NEURL1: variants seen among roughly 807,000 people sequenced by gnomAD.
NEURL1 encodes the protein neuralized E3 ubiquitin protein ligase 1.
NEURL1 carries 26 observed loss-of-function variants against 41.2 expected under a neutral mutation model. That is an observed-to-expected ratio of 0.63 (90% CI 0.46 to 0.87). NEURL1 has a LOEUF of 0.87. Among genes scored for constraint, NEURL1 ranks in the 40% least tolerant of loss-of-function variants. The pLI, the probability that NEURL1 is intolerant of heterozygous loss-of-function variation, is 0.00. For synonymous variants in NEURL1, 400 were observed against 402.3 expected, an observed-to-expected ratio of 0.99 and a Z score of 0.07; for missense variants, 761 against 871.1, an observed-to-expected ratio of 0.87 and a Z score of 1.59.
chr10:103,543,713 G>C (rs187706905), intron 1 of NEURL1, among the ~76,000 whole-genome samples: 1 of 152,236 alleles, frequency 6.6e-6, no homozygotes, highest in African/African-American at 2.4e-5. Context: ...GGATAGTCTG[G>C]TCTATTCCAT....
chr10:103,571,750 G>C lies in NEURL1; in HGVS notation c.577G>C (p.Gly193Arg). ...NDSAVMLFFS[G>R]VRTADPLWAL... The stretch of plus-strand genomic sequence containing the variant: ...CTCGGCTGTTATGCTGTTCTTCAGC[G>C]GGGTCCGCACGGCCGACCCGCTCTG... The change falls in exon 3 of 6, where the codon GGG becomes CGG. Residue 193 changes from glycine (G) to arginine (R), a missense_variant. Transcript: ENST00000369780. 1 of 1,614,112 alleles carries C rather than the reference G, an allele frequency of 6.2e-7. No individual in the cohort carries two copies. The highest frequency in any genetic ancestry group is 2.2e-5 in the East Asian group (1 of 44,880).
At chr10:103,580,289 A>G (rs1016096525) in intron 3 of NEURL1, among the ~76,000 whole-genome samples, 2 of 152,184 alleles carry the variant, frequency 1.3e-5, no homozygotes, top group African/African-American at 4.8e-5. Flanking sequence ...GCTTCTCCTC[A>G]TGGCCTTGTG....
At chr10:103,589,773 C>G in intron 5 of NEURL1, 113 bp downstream of exon 5, 2 of 1,408,098 alleles carry the variant, frequency 1.4e-6, no homozygotes, top group Non-Finnish European at 9.6e-7. Context: ...CTCAGTAAAC[C>G]CTTGTTGGGG....
chr10:103,549,933 C>G (rs2035000155), intron 1 of NEURL1, among the ~76,000 whole-genome samples: 1 of 152,218 alleles, frequency 6.6e-6, no homozygotes, highest in South Asian at 2.1e-4. Flanking sequence ...ATTGGGCCTT[C>G]TTTGCTACAC....
chr10:103,574,106 GTGGGGGACGAA>G lies in NEURL1; in HGVS notation c.649+2289_649+2299del, dbSNP rs1460869235. 2.0e-4 allele frequency among the ~76,000 whole-genome samples: 31 copies of G among 152,320 alleles called. No individual in the cohort carries two copies. The East Asian group carries it at 5.2e-3, about 26-fold the overall frequency. On this transcript the variant is annotated intron_variant, in intron 3 of 5. Coordinates refer to ENST00000369780, the MANE Select transcript of NEURL1 (RefSeq NM_004210.5). ...GTAGGGGAGAGTAGTCAGGGGCAGGGTGGGGGACGAATGGGAGGGCAGATGCGTTGTTAGAT... is the reference window on the plus strand; with the variant it reads ...GTAGGGGAGAGTAGTCAGGGGCAGGGTGGGAGGGCAGATGCGTTGTTAGAT...
intron 1 of NEURL1, among the ~76,000 whole-genome samples, chr10:103,502,134 A>C (rs2033839848): frequency 6.6e-6 from 1 of 152,214 alleles, no homozygotes; most frequent in African/African-American, 2.4e-5. Context: ...GCCCAGAAAC[A>C]CTGAGCTAGG....
At chr10:103,588,538 G>C (rs1400366557) in intron 4 of NEURL1, among the ~76,000 whole-genome samples, 3 of 152,100 alleles carry the variant, frequency 2.0e-5, no homozygotes, top group African/African-American at 7.2e-5. Flanking sequence ...TTGAAGTCAG[G>C]GGCTGTCTCT....
intron 4 of NEURL1, among the ~76,000 whole-genome samples, chr10:103,585,916 C>T (rs946802429): frequency 6.6e-6 from 1 of 151,714 alleles, no homozygotes; most frequent in Admixed American, 6.6e-5. Flanking sequence ...AAATAAAGGT[C>T]CTCACCTTTA....
chr10:103,578,648 G>C lies in NEURL1; in HGVS notation c.650-5888G>C, dbSNP rs1344235003. Among the ~76,000 whole-genome samples, 4 of 152,344 alleles carry C rather than the reference G, an allele frequency of 2.6e-5. No homozygotes were observed. The East Asian group carries it at 5.8e-4, about 22-fold the overall frequency. On this transcript the variant is annotated intron_variant, in intron 3 of 5. Transcript: ENST00000369780. ...AATCTATGAGATCCCGTGGCTTGAA[G>C]ATTCTCTGAATCTTAAAGTCTGTGA...
In NEURL1 at chr10:103,497,633, AC is replaced by A. The variant is rs1195540485; in HGVS notation, c.85+3165del. Among the ~76,000 whole-genome samples, 2 of 151,678 alleles carry A rather than the reference AC, an allele frequency of 1.3e-5. 1 individual carries two copies. Among genetic ancestry groups the A allele is most frequent in the East Asian group, 3.9e-4 (2 of 5,168 alleles). On this transcript the variant is annotated intron_variant, in intron 1 of 5. Coordinates refer to ENST00000369780, the MANE Select transcript of NEURL1 (RefSeq NM_004210.5). Reference sequence around the variant, plus strand: ...TGGTCTTCTTCCTGGGAACACACTGACCCCACTCTGCTGCTGGTGATTCCCA... The same window carrying A: ...TGGTCTTCTTCCTGGGAACACACTGACCCACTCTGCTGCTGGTGATTCCCA...
intron 1 of NEURL1, among the ~76,000 whole-genome samples, chr10:103,519,937 G>T (rs1353161435): frequency 6.6e-6 from 1 of 151,698 alleles, no homozygotes; most frequent in Non-Finnish European, 1.5e-5. Flanking sequence ...GCATGTACCA[G>T]CATACTCTGG....
At chr10:103,522,858 C>T (rs1287607372) in intron 1 of NEURL1, among the ~76,000 whole-genome samples, 1 of 152,040 alleles carries the variant, frequency 6.6e-6, no homozygotes, top group African/African-American at 2.4e-5. Flanking sequence ...TCAGTTTTGG[C>T]TGCTTTGAAG....
At chr10:103,572,384 C>T (rs2035568431) in intron 3 of NEURL1, among the ~76,000 whole-genome samples, 1 of 152,264 alleles carries the variant, frequency 6.6e-6, no homozygotes, top group African/African-American at 2.4e-5. Flanking sequence ...AAGCCCACCC[C>T]AGTGCCTTTT....
chr10:103,566,525 A>G lies in NEURL1; in HGVS notation c.86-4347A>G, dbSNP rs1231715858. Among the ~76,000 whole-genome samples, 1 of 152,110 alleles carries G rather than the reference A, an allele frequency of 6.6e-6. No homozygotes were observed. The highest frequency in any genetic ancestry group is 1.9e-4 in the East Asian group (1 of 5,202). On this transcript the variant is annotated intron_variant, in intron 1 of 5. Coordinates refer to ENST00000369780, the MANE Select transcript of NEURL1 (RefSeq NM_004210.5). The surrounding 1 kb of genome is among the most constrained non-coding windows in gnomAD (Gnocchi z 4.2). ...CTTTTGAGAGCCATTTTTTTAGTGT[A>G]TATCAGTGGTTATGTTCCTTTTTAT...
chr10:103,494,056 C>G lies in NEURL1; in HGVS notation c.-332C>G. The G allele has an allele frequency of 4.6e-6, 1 of 217,608 alleles. No homozygotes were observed. The highest frequency in any genetic ancestry group is 9.0e-6 in the Non-Finnish European group (1 of 111,494). 13.5% of individuals were successfully genotyped at this position (217,608 alleles called of 1,614,324 possible). ...AGCCGCCGCGCCGCCCACCCCCAGC[C>G]GGAACCCTAGCGTCCCGGGGAGCAA... On this transcript the variant is annotated 5_prime_UTR_variant, in exon 1 of 6. Coordinates refer to ENST00000369780, the MANE Select transcript of NEURL1 (RefSeq NM_004210.5).
At position 103,589,630 on chromosome 10, in the gene NEURL1, A is replaced by T. The variant is rs2035996679; in HGVS notation, c.1456A>T (p.Ser486Cys). The T allele has an allele frequency of 6.2e-7, 1 of 1,613,250 alleles. No homozygotes were observed. The highest frequency in any genetic ancestry group is 2.2e-5 in the East Asian group (1 of 44,856). The change falls in exon 5 of 6, where the codon AGC becomes TGC. Residue 486 changes from serine (S) to cysteine (C), a missense_variant. Transcript: ENST00000369780. Reference protein sequence around the residue: ...RLSDPLLSTCSSGPLGSSAGG... With the variant: ...RLSDPLLSTCCSGPLGSSAGG... Reference sequence around the variant, plus strand: ...GTCTGACCCCTTGCTCAGCACGTGCAGCTCTGGCCCTCTGGGTAGCTCTGC... The same window carrying T: ...GTCTGACCCCTTGCTCAGCACGTGCTGCTCTGGCCCTCTGGGTAGCTCTGC...
intron 1 of NEURL1, among the ~76,000 whole-genome samples, chr10:103,546,276 C>T (rs539607970): frequency 3.3e-5 from 5 of 152,330 alleles, no homozygotes; most frequent in African/African-American, 1.2e-4. Flanking sequence ...GTAGACAAAG[C>T]CCTGGGGCCT....
intron 4 of NEURL1, among the ~76,000 whole-genome samples, chr10:103,585,691 G>A (rs1431630274): frequency 6.6e-6 from 1 of 152,036 alleles, no homozygotes; most frequent in Non-Finnish European, 1.5e-5. Context: ...ACAATTAGCG[G>A]GGCATGGTGG....
intron 1 of NEURL1, among the ~76,000 whole-genome samples, chr10:103,512,334 A>T (rs1417328851): frequency 6.6e-6 from 1 of 152,212 alleles, no homozygotes; most frequent in Non-Finnish European, 1.5e-5. Context: ...GGAGCCACCT[A>T]TGTGTAGCCA....
Sources: allele counts gnomAD v4.1 joint callset (sites outside exome capture counted in the v4.1 genomes callset), GRCh38; gene constraint gnomAD v4.1.1; non-coding constraint Gnocchi (gnomAD v3.1); transcripts MANE v1.5; gene names NCBI Gene and HGNC (gene_info 2026-07-23, HGNC 2026-07-21).